FTCDNL1: variants seen among roughly 807,000 people sequenced by gnomAD.
FTCDNL1 encodes formiminotransferase cyclodeaminase N-terminal like.
A neutral mutation model predicts 5.9 loss-of-function variants in FTCDNL1; 11 were observed. The ratio of observed to expected loss-of-function variants is 1.87; its 90% CI spans 1.18 to 3.10. The LOEUF (loss-of-function observed/expected upper bound fraction) is 3.10, where lower values mean the gene tolerates loss of function less well. Among genes scored for constraint, FTCDNL1 ranks in the 30% most tolerant of loss-of-function variants. The pLI, the probability that FTCDNL1 is intolerant of heterozygous loss-of-function variation, is 0.00. For synonymous variants in FTCDNL1, 58 were observed against 24.8 expected, an observed-to-expected ratio of 2.34 and a Z score of -3.99; for missense variants, 115 against 65.5, an observed-to-expected ratio of 1.76 and a Z score of -2.61.
the FTCDNL1 span, among the ~76,000 whole-genome samples, chr2:199,732,315 A>T: frequency 2.6e-5 from 4 of 152,176 alleles, no homozygotes; most frequent in Admixed American, 2.0e-4. Context: ...AGGGACTATC[A>T]CTCCTAATCT....
At chr2:199,673,729 TAG>T in the FTCDNL1 span, among the ~76,000 whole-genome samples, 1 of 152,204 alleles carries the variant, frequency 6.6e-6, no homozygotes, top group Non-Finnish European at 1.5e-5. Context: ...AATCATATCA[TAG>T]AGTGTCATTC....
chr2:199,692,110 AT>A, the FTCDNL1 span, among the ~76,000 whole-genome samples: 2 of 152,012 alleles, frequency 1.3e-5, no homozygotes, highest in Non-Finnish European at 2.9e-5. Flanking sequence ...AATCATCCAG[AT>A]TTTTTTTCTT....
the FTCDNL1 span, among the ~76,000 whole-genome samples, chr2:199,717,495 A>G: frequency 7.4e-6 from 1 of 135,210 alleles, no homozygotes; most frequent in Admixed American, 8.8e-5. Context: ...AAATGCCCAC[A>G]TTACAAGGCA....
the FTCDNL1 span, among the ~76,000 whole-genome samples, chr2:199,755,517 G>C: frequency 1.3e-5 from 2 of 152,172 alleles, no homozygotes; most frequent in Admixed American, 6.5e-5. Flanking sequence ...ATGTCTTTAA[G>C]CCTCAGTTTT....
chr2:199,742,745 G>A, the FTCDNL1 span, among the ~76,000 whole-genome samples: 1 of 152,204 alleles, frequency 6.6e-6, no homozygotes, highest in East Asian at 1.9e-4. Flanking sequence ...GCAGAGTTGG[G>A]ATTTGTACCC....
At chr2:199,715,117 C>CA in the FTCDNL1 span, among the ~76,000 whole-genome samples, 26 of 151,674 alleles carry the variant, frequency 1.7e-4, no homozygotes, top group Non-Finnish European at 2.8e-4. Context: ...AATTAAAAAA[C>CA]AAAAAAAAGC....
In FTCDNL1 at chr2:199,809,996, C is replaced by T. The variant is rs1229249985; in HGVS notation, c.*2709G>A. Among the ~76,000 whole-genome samples, 4 of 151,164 alleles carry T rather than the reference C, an allele frequency of 2.6e-5. No homozygotes were observed. The East Asian group carries it at 7.8e-4, about 29-fold the overall frequency. On this transcript the variant is annotated 3_prime_UTR_variant, in exon 5 of 5. Transcript: ENST00000420128. ...TTTTTCCATAACAAAAGTATTTAGGCTATAATCAGGTAACTTTATCTACTC... is the reference window on the plus strand; with the variant it reads ...TTTTTCCATAACAAAAGTATTTAGGTTATAATCAGGTAACTTTATCTACTC...
the FTCDNL1 span, among the ~76,000 whole-genome samples, chr2:199,716,919 A>C: frequency 6.6e-6 from 1 of 152,114 alleles, no homozygotes; most frequent in Non-Finnish European, 1.5e-5. Context: ...CTCTGCCCCT[A>C]ATTAAGGGCT....
At chr2:199,740,639 T>C in the FTCDNL1 span, among the ~76,000 whole-genome samples, 14 of 152,142 alleles carry the variant, frequency 9.2e-5, no homozygotes, top group African/African-American at 3.4e-4. Flanking sequence ...GCCCATCCAA[T>C]GGATTCATTA....
At chr2:199,668,844 G>A in the FTCDNL1 span, among the ~76,000 whole-genome samples, 2 of 152,038 alleles carry the variant, frequency 1.3e-5, no homozygotes, top group South Asian at 2.1e-4. Flanking sequence ...AGTTCCCAGG[G>A]GAACTCGGGA....
At chr2:199,803,496 G>C (rs1204270667) in intron 3 of FTCDNL1, among the ~76,000 whole-genome samples, 5 of 152,056 alleles carry the variant, frequency 3.3e-5, no homozygotes, top group African/African-American at 7.2e-5. Context: ...TTGAGACAGG[G>C]TCTCACTCTG....
At chr2:199,703,615 T>A in the FTCDNL1 span, among the ~76,000 whole-genome samples, 1 of 152,118 alleles carries the variant, frequency 6.6e-6, no homozygotes. Flanking sequence ...CATTAGAGGG[T>A]TTGAGCAAGA....
intron 3 of FTCDNL1, among the ~76,000 whole-genome samples, chr2:199,783,429 T>C (rs926633222): frequency 6.6e-6 from 1 of 152,220 alleles, no homozygotes; most frequent in Non-Finnish European, 1.5e-5. Context: ...TTGGGTCTTT[T>C]GATCCACCCT....
chr2:199,776,693 G>A (rs1250080029), intron 3 of FTCDNL1, among the ~76,000 whole-genome samples: 3 of 152,042 alleles, frequency 2.0e-5, no homozygotes, highest in African/African-American at 7.2e-5. Flanking sequence ...ATAGAGGGTG[G>A]ACCCCACCCA....
At chr2:199,710,953 T>G in the FTCDNL1 span, among the ~76,000 whole-genome samples, 1 of 152,138 alleles carries the variant, frequency 6.6e-6, no homozygotes, top group Non-Finnish European at 1.5e-5. Flanking sequence ...CCACAGAGAT[T>G]AAATAAAATG....
the FTCDNL1 span, among the ~76,000 whole-genome samples, chr2:199,743,376 G>A: frequency 6.6e-6 from 1 of 152,234 alleles, no homozygotes; most frequent in African/African-American, 2.4e-5. Context: ...ATGTGAAATT[G>A]TATATTCTCT....
chr2:199,674,639 G>T, the FTCDNL1 span, among the ~76,000 whole-genome samples: 1 of 152,148 alleles, frequency 6.6e-6, no homozygotes, highest in Non-Finnish European at 1.5e-5. Context: ...TTGCTTTCCA[G>T]TATCATTTAG....
intron 2 of FTCDNL1, among the ~76,000 whole-genome samples, chr2:199,846,812 C>A (rs967233397): frequency 5.3e-5 from 8 of 152,164 alleles, no homozygotes; most frequent in African/African-American, 1.9e-4. Context: ...GGCAGCCATA[C>A]ATAACCCTAG....
At chr2:199,703,229 C>T in the FTCDNL1 span, among the ~76,000 whole-genome samples, 48 of 151,644 alleles carry the variant, frequency 3.2e-4, no homozygotes, top group Non-Finnish European at 6.6e-4. Flanking sequence ...CAACAGTCCC[C>T]AGAGTGTGAT....
Sources: gnomAD v4.1 joint callset for allele counts (sites outside exome capture counted in the v4.1 genomes callset) on GRCh38, gnomAD v4.1.1 for gene constraint, MANE v1.5 for transcripts, NCBI Gene and HGNC (gene_info 2026-07-23, HGNC 2026-07-21) for gene names.